PPIH: variants seen among roughly 807,000 people sequenced by gnomAD.
PPIH encodes the protein peptidyl-prolyl cis-trans isomerase H.
A neutral mutation model predicts 27.6 loss-of-function variants in PPIH; 16 were observed. The observed-to-expected ratio is 0.58, with a 90% CI of 0.39 to 0.88. PPIH has a LOEUF of 0.88. PPIH is among the 40% of genes least tolerant of loss of function. The probability of loss-of-function intolerance (pLI) is 0.00; values close to 1 mark genes in which losing one functional copy is unlikely to be tolerated. For synonymous variants in PPIH, 63 were observed against 76.1 expected (o/e 0.83, Z 0.90); for missense variants, 155 against 224.1 (o/e 0.69, Z 1.97).
intron 5 of PPIH, among the ~76,000 whole-genome samples, chr1:42,662,333 G>C (rs1397774790): frequency 6.6e-6 from 1 of 152,160 alleles, no homozygotes; most frequent in African/African-American, 2.4e-5. Context: ...GATCCCAGGA[G>C]TTTGAGAACA....
At chr1:42,672,464 C>G (rs1335306618) in intron 9 of PPIH, among the ~76,000 whole-genome samples, 2 of 152,028 alleles carry the variant, frequency 1.3e-5, no homozygotes, top group Non-Finnish European at 2.9e-5. Flanking sequence ...AAGGTATCAC[C>G]TAATCCTGCA....
At chr1:42,669,122 A>G (rs1489754931) in intron 9 of PPIH, among the ~76,000 whole-genome samples, 3 of 149,894 alleles carry the variant, frequency 2.0e-5, no homozygotes, top group African/African-American at 7.4e-5. Context: ...AGGTGGGAGG[A>G]TTACTTGAGC....
At chr1:42,660,960 G>T (rs1291727321) in intron 5 of PPIH, 56 bp downstream of exon 5, 1 of 1,503,828 alleles carries the variant, frequency 6.6e-7, no homozygotes. Context: ...TGTTGTTATT[G>T]TTGCAATTGC....
chr1:42,680,430 A>C (rs1331613859), downstream of PPIH, among the ~76,000 whole-genome samples: 1 of 152,222 alleles, frequency 6.6e-6, no homozygotes, highest in Non-Finnish European at 1.5e-5. Context: ...AGTTACAAGC[A>C]CCTGGAAGGT....
intron 9 of PPIH, among the ~76,000 whole-genome samples, chr1:42,667,656 A>G (rs563821114): frequency 1.3e-5 from 2 of 152,360 alleles, no homozygotes; most frequent in African/African-American, 4.8e-5. Flanking sequence ...AAAAATAAAA[A>G]GAGAAAGGGT....
At chr1:42,669,654 T>C (rs1054993068) in intron 9 of PPIH, among the ~76,000 whole-genome samples, 2 of 152,206 alleles carry the variant, frequency 1.3e-5, no homozygotes, top group African/African-American at 4.8e-5. Flanking sequence ...AGAAAAAAAT[T>C]AGTATTGTGT....
downstream of PPIH, chr1:42,681,109 C>T (rs900448141): frequency 1.3e-5 from 2 of 152,272 alleles, no homozygotes; most frequent in East Asian, 3.9e-4. Context: ...CCTCTGCAAC[C>T]CATTCTCCAC....
intron 1 of PPIH, 143 bp downstream of exon 1, chr1:42,658,655 G>C: frequency 8.7e-7 from 1 of 1,149,910 alleles, no homozygotes; most frequent in Non-Finnish European, 1.3e-6. Flanking sequence ...GCCGGGCGGG[G>C]GGAAAGGAGG....
rs555263887 is a variant in PPIH, at chr1:42,668,259, A to G, written c.*21+819A>G. On this transcript the variant is annotated intron_variant, in intron 9 of 9. Coordinates refer to ENST00000304979, the MANE Select transcript of PPIH (RefSeq NM_006347.4). ...AATATATCTTCACTTAGATTCACCA[A>G]TGATTAACATTCTTGTTTTATTGCT... Among the ~76,000 whole-genome samples, 5 of 152,228 alleles carry G rather than the reference A, an allele frequency of 3.3e-5. No individual in the cohort carries two copies. The South Asian group carries it at 1.0e-3, about 32-fold the overall frequency.
chr1:42,679,321 C>G (rs1344885923), downstream of PPIH, among the ~76,000 whole-genome samples: 7 of 152,232 alleles, frequency 4.6e-5, no homozygotes, highest in Non-Finnish European at 8.8e-5. Flanking sequence ...TCCCGAGTAG[C>G]TGGGATTACA....
intron 6 of PPIH, among the ~76,000 whole-genome samples, chr1:42,665,269 G>A (rs1387746171): frequency 6.6e-6 from 1 of 152,104 alleles, no homozygotes; most frequent in Non-Finnish European, 1.5e-5. Flanking sequence ...GCCAGGTGTG[G>A]TGGTGGGTGC....
chr1:42,677,931 C>T (rs1294603289), downstream of PPIH, among the ~76,000 whole-genome samples: 1 of 152,190 alleles, frequency 6.6e-6, no homozygotes, highest in Admixed American at 6.5e-5. Flanking sequence ...GGGGATGCCT[C>T]TTAACTACTG....
At chr1:42,664,714 T>C (rs1419499159) in intron 5 of PPIH, 149 bp from the exon 6 acceptor site, 1 of 601,892 alleles carries the variant, frequency 1.7e-6, no homozygotes, top group East Asian at 3.1e-5. Context: ...GATTGCAGGG[T>C]GGGGTCAAAT....
At chr1:42,676,020 T>C (rs1649863850) in intron 9 of PPIH, among the ~76,000 whole-genome samples, 1 of 152,088 alleles carries the variant, frequency 6.6e-6, no homozygotes, top group South Asian at 2.1e-4. Flanking sequence ...GGCAAATAAA[T>C]GAGATAGTAT....
At chr1:42,673,803 T>C (rs1649756956) in intron 9 of PPIH, among the ~76,000 whole-genome samples, 1 of 152,208 alleles carries the variant, frequency 6.6e-6, no homozygotes, top group African/African-American at 2.4e-5. Flanking sequence ...TTACAGCTTA[T>C]AGTGAGGCAA....
In PPIH at chr1:42,661,915, G is replaced by A. The variant is rs1159446078; in HGVS notation, c.243+1011G>A. On this transcript the variant is annotated intron_variant, in intron 5 of 9. Coordinates refer to ENST00000304979, the MANE Select transcript of PPIH (RefSeq NM_006347.4). ...TGGGCCTGCATTTCTCACAGTGGCA[G>A]TGACAGTGACAATTGGTTGGAATCA... 2.0e-5 allele frequency among the ~76,000 whole-genome samples: 3 copies of A among 152,186 alleles called. No homozygotes were observed. The East Asian group carries it at 5.8e-4, about 29-fold the overall frequency.
chr1:42,680,451 A>C (rs980342950), downstream of PPIH, among the ~76,000 whole-genome samples: 1 of 152,342 alleles, frequency 6.6e-6, no homozygotes, highest in Non-Finnish European at 1.5e-5. Flanking sequence ...TGGACAGGGA[A>C]TACAAGAGAA....
intron 5 of PPIH, 50 bp downstream of exon 5, chr1:42,660,954 G>A: frequency 6.5e-7 from 1 of 1,543,958 alleles, no homozygotes; most frequent in Non-Finnish European, 8.9e-7. Flanking sequence ...AGTTTTTGTT[G>A]TTATTGTTGC....
downstream of PPIH, chr1:42,678,669 G>C (rs976845866): frequency 2.0e-5 from 3 of 152,338 alleles, no homozygotes; most frequent in African/African-American, 7.2e-5. Context: ...AAAGTGTTGG[G>C]ATTACAGGCG....
Sources: allele counts gnomAD v4.1 joint callset (sites outside exome capture counted in the v4.1 genomes callset), GRCh38; gene constraint gnomAD v4.1.1; transcripts MANE v1.5; gene names NCBI Gene and HGNC (gene_info 2026-07-23, HGNC 2026-07-21).